Variants in COL24A1 observed in about 807,000 individuals in gnomAD.
The protein encoded by COL24A1 is collagen alpha-1(XXIV) chain.
A neutral mutation model predicts 253.9 loss-of-function variants in COL24A1; 224 were observed. The observed-to-expected ratio is 0.88, with a 90% CI of 0.79 to 0.99. The LOEUF is 0.99. Among genes scored for constraint, COL24A1 ranks in the 50% least tolerant of loss-of-function variants. COL24A1 has a pLI of 0.00. For synonymous variants in COL24A1, 685 were observed against 673.7 expected, an observed-to-expected ratio of 1.02 and a Z score of -0.26; for missense variants, 2,131 against 2,068.5, an observed-to-expected ratio of 1.03 and a Z score of -0.59.
chr1:85,791,591 A>G (rs1670280762), intron 47 of COL24A1, among the ~76,000 whole-genome samples: 2 of 152,182 alleles, frequency 1.3e-5, no homozygotes, highest in African/African-American at 4.8e-5. Flanking sequence ...GAAATGATTA[A>G]TCTACAAGGA....
intron 24 of COL24A1, among the ~76,000 whole-genome samples, chr1:85,921,997 T>C (rs908078764): frequency 2.0e-5 from 3 of 152,214 alleles, no homozygotes; most frequent in Admixed American, 6.5e-5. Context: ...CTGAAAACCA[T>C]GGCATGAGAA....
At chr1:85,737,823 CAA>C (rs1664214964) in intron 57 of COL24A1, among the ~76,000 whole-genome samples, 1 of 147,402 alleles carries the variant, frequency 6.8e-6, no homozygotes, top group Admixed American at 6.8e-5. Context: ...CTCCACCTCC[CAA>C]AGTGTTGGGA....
chr1:86,153,255 C>T (rs1557845341), intron 1 of COL24A1, among the ~76,000 whole-genome samples: 1 of 126,916 alleles, frequency 7.9e-6, no homozygotes, highest in Non-Finnish European at 1.6e-5. Context: ...ATGTATATAT[C>T]CTCCTCTCAT....
intron 7 of COL24A1, among the ~76,000 whole-genome samples, chr1:86,064,915 A>G (rs558495603): frequency 6.6e-6 from 1 of 151,602 alleles, no homozygotes; most frequent in African/African-American, 2.4e-5. Context: ...AAGGGAGTTC[A>G]AGATTAGCCT....
At chr1:85,925,725 A>G (rs973792021) in intron 24 of COL24A1, among the ~76,000 whole-genome samples, 1 of 152,240 alleles carries the variant, frequency 6.6e-6, no homozygotes, top group Non-Finnish European at 1.5e-5. Context: ...AAACCCTAGA[A>G]GAAAACCTAA....
At position 85,875,325 on chromosome 1, in the gene COL24A1, A is replaced by G. The variant is rs958955877; in HGVS notation, c.3036T>C (p.Pro1012=). Residue 1012 remains proline (P), a synonymous_variant, in exon 34 of 60, where the codon CCT becomes CCC. Transcript: ENST00000370571. The part of the protein sequence containing the change: ...GPPGEMGMEG[P]PGTEGESGLQ... ...GACCAGACTCTCCCTCAGTGCCTGG[A>G]GGTCCCTACAAGAGAATAATTTAAC... The G allele has an allele frequency of 1.2e-6, 2 of 1,613,228 alleles. No individual in the cohort carries two copies. The highest frequency in any genetic ancestry group is 2.7e-5 in the African/African-American group (2 of 75,028).
chr1:86,115,439 T>A, intron 3 of COL24A1, 61 bp from the exon 4 acceptor site: 1 of 1,499,656 alleles, frequency 6.7e-7, no homozygotes, highest in Non-Finnish European at 9.2e-7. Context: ...TTCTTACGAG[T>A]CTGAATAAGA....
chr1:85,876,309 G>A (rs1274969348), intron 33 of COL24A1, among the ~76,000 whole-genome samples: 1 of 152,140 alleles, frequency 6.6e-6, no homozygotes, highest in African/African-American at 2.4e-5. Context: ...GGATTAGGTA[G>A]AAGAAGGAGT....
At chr1:85,794,757 G>A (rs1352912041) in intron 47 of COL24A1, among the ~76,000 whole-genome samples, 2 of 150,158 alleles carry the variant, frequency 1.3e-5, no homozygotes, top group Non-Finnish European at 2.9e-5. Context: ...ATTTTAAAAA[G>A]TAAATATAAT....
intron 19 of COL24A1, among the ~76,000 whole-genome samples, chr1:85,992,995 G>A (rs1694431325): frequency 6.6e-6 from 1 of 151,998 alleles, no homozygotes; most frequent in Admixed American, 6.6e-5. Flanking sequence ...GTACTGAGAA[G>A]AGTGACTCAG....
chr1:86,099,555 T>G (rs1704266615), intron 5 of COL24A1, among the ~76,000 whole-genome samples: 1 of 152,204 alleles, frequency 6.6e-6, no homozygotes, highest in Admixed American at 6.5e-5. Context: ...TTATAGCAGA[T>G]AGGAGGTCCC....
chr1:85,887,242 G>A (rs1366472739), intron 32 of COL24A1, among the ~76,000 whole-genome samples: 1 of 151,978 alleles, frequency 6.6e-6, no homozygotes, highest in Non-Finnish European at 1.5e-5. Flanking sequence ...ATTTATTTAG[G>A]TCAGGAGATT....
At chr1:85,783,622 T>C in intron 50 of COL24A1, 64 bp from the exon 51 acceptor site, 1 of 1,361,326 alleles carries the variant, frequency 7.3e-7, no homozygotes, top group South Asian at 1.2e-5. Flanking sequence ...TTTACAAAAC[T>C]ATATAAATCT....
intron 13 of COL24A1, among the ~76,000 whole-genome samples, chr1:86,032,410 A>G (rs1246742836): frequency 6.6e-6 from 1 of 152,168 alleles, no homozygotes; most frequent in African/African-American, 2.4e-5. Flanking sequence ...CTCACTGTAA[A>G]TATCACAATG....
intron 2 of COL24A1, among the ~76,000 whole-genome samples, chr1:86,141,268 A>C (rs1414601): frequency 0.077 from 11,793 of 152,214 alleles, 565 homozygotes; most frequent in East Asian, 0.21. Flanking sequence ...CAAATCAATG[A>C]ATTCAGCATT....
rs147053214 is a variant in COL24A1, at chr1:86,109,800, T to C, written c.1599+2767A>G. On this transcript the variant is annotated intron_variant, in intron 5 of 59. Transcript: ENST00000370571. ...TCTTCTTAATGCAATAGACTGAATG[T>C]TTTTCCCTTCAAAATTTATATGTTG... Among the ~76,000 whole-genome samples the C allele has an allele frequency of 4.6e-5, 7 of 152,324 alleles. No homozygotes were observed. In the East Asian group the frequency reaches 1.3e-3, roughly 29 times the overall value.
intron 24 of COL24A1, among the ~76,000 whole-genome samples, chr1:85,917,871 A>G (rs1686048306): frequency 6.6e-6 from 1 of 151,738 alleles, no homozygotes; most frequent in East Asian, 1.9e-4. Context: ...CGCCCAGCTA[A>G]TTTTTTTGTA....
chr1:85,897,147 A>G (rs1220111036), intron 28 of COL24A1, among the ~76,000 whole-genome samples: 1 of 152,210 alleles, frequency 6.6e-6, no homozygotes, highest in East Asian at 1.9e-4. Context: ...ATAGCAATGC[A>G]GGAACAGAAA....
At chr1:85,957,534 C>T (rs774723024) in intron 24 of COL24A1, among the ~76,000 whole-genome samples, 1 of 152,078 alleles carries the variant, frequency 6.6e-6, no homozygotes, top group African/African-American at 2.4e-5. Flanking sequence ...CCTGATAAAT[C>T]CTAAATAGTT....
Sources: gnomAD v4.1 joint callset for allele counts (sites outside exome capture counted in the v4.1 genomes callset) on GRCh38, gnomAD v4.1.1 for gene constraint, MANE v1.5 for transcripts, NCBI Gene and HGNC (gene_info 2026-07-23, HGNC 2026-07-21) for gene names.